ZDHHC18: variants seen among roughly 807,000 people sequenced by gnomAD.
The protein encoded by ZDHHC18 is palmitoyltransferase ZDHHC18.
Under a neutral mutation model 37.5 loss-of-function variants are expected in ZDHHC18, and 23 were observed. The ratio of observed to expected loss-of-function variants is 0.61; its 90% confidence interval spans 0.44 to 0.87. ZDHHC18 has a LOEUF of 0.87. ZDHHC18 is among the 40% of genes least tolerant of loss of function. The pLI, the probability that ZDHHC18 is intolerant of heterozygous loss-of-function variation, is 0.00. For missense variants in ZDHHC18, 406 were observed against 525.6 expected (o/e 0.77, Z 2.22); for synonymous variants, 185 against 218.7 (o/e 0.85, Z 1.36).
At chr1:26,839,400 ATGTC>A (rs2081627625) in intron 2 of ZDHHC18, among the ~76,000 whole-genome samples, 1 of 152,206 alleles carries the variant, frequency 6.6e-6, no homozygotes, top group Non-Finnish European at 1.5e-5. Flanking sequence ...CATCCACAGT[ATGTC>A]AGGCAGGCAC....
intron 7 of ZDHHC18, among the ~76,000 whole-genome samples, chr1:26,853,512 T>C (rs868253060): frequency 2.6e-5 from 4 of 152,212 alleles, no homozygotes; most frequent in Non-Finnish European, 5.9e-5. Context: ...TAATAGTGAA[T>C]AAATTCTGTG....
intron 7 of ZDHHC18, 125 bp downstream of exon 7, chr1:26,852,990 G>A (rs1208025699): frequency 5.5e-6 from 4 of 729,950 alleles, no homozygotes; most frequent in African/African-American, 5.3e-5. Flanking sequence ...CCCCTGGAGG[G>A]CATTTGTCAT....
chr1:26,848,627 A>G lies in ZDHHC18; in HGVS notation c.516A>G (p.Thr172=), dbSNP rs1440072962. 3 of 1,613,560 alleles carry G rather than the reference A, an allele frequency of 1.9e-6. No individual in the cohort carries two copies. The highest frequency in any genetic ancestry group is 2.5e-6 in the Non-Finnish European group (3 of 1,179,518). ...CCTCAGACAACACAGGCAGTTCTAC[A>G]TACCGGCCACCCCCTCGGACCCGGG... is the stretch of plus-strand genomic sequence containing the variant. The part of the protein sequence containing the change: ...EKQIDNTGSS[T]YRPPPRTREV... The change falls in exon 3 of 8, where the codon ACA becomes ACG. Residue 172 remains threonine, a synonymous_variant. Coordinates refer to ENST00000374142, the MANE Select transcript of ZDHHC18 (RefSeq NM_032283.3).
Position 26,855,997 on chromosome 1 carries a change from C to T in ZDHHC18, c.*2154C>T. ...TTCCCCTGCCTCAGGGGCTTGGAGA[C>T]CCCCAAATTCTTCTTCCCTACTGCC... On this transcript the variant is annotated 3_prime_UTR_variant, in exon 8 of 8. Transcript: ENST00000374142. 1 of 319,386 alleles carries T rather than the reference C, an allele frequency of 3.1e-6. No homozygotes were observed. The highest frequency in any genetic ancestry group is 2.3e-5 in the South Asian group (1 of 43,832). The allele number at this position is 319,386 out of a possible 1,614,324, so 19.8% of individuals were successfully genotyped here. A position where few individuals can be genotyped will look rare whatever the true frequency, so the allele number is the denominator to read the frequency against.
rs745471741 is a variant in ZDHHC18 at position 26,853,794 on chromosome 1, C to T, written c.1118C>T (p.Pro373Leu). Residue 373 changes from proline to leucine, a missense_variant, in exon 8 of 8, where the codon CCA (proline) becomes CTA (leucine). Physicochemically the swap from Pro to Leu is moderately conservative, Grantham distance 98. Coordinates refer to ENST00000374142, the MANE Select transcript of ZDHHC18 (RefSeq NM_032283.3). ...CCCTCACCCATCAGAAGCGATGAGCCAGCCTGCAGAGCCAAGCCTGATGCC... is the reference window on the plus strand; with the variant it reads ...CCCTCACCCATCAGAAGCGATGAGCTAGCCTGCAGAGCCAAGCCTGATGCC... The part of the protein sequence containing the change: ...VLPSPIRSDE[P>L]ACRAKPDASM... 1.2e-6 allele frequency: 2 copies of T among 1,614,098 alleles called. No homozygotes were observed. The highest frequency in any genetic ancestry group is 1.7e-5 in the Admixed American group (1 of 60,028).
intron 2 of ZDHHC18, among the ~76,000 whole-genome samples, chr1:26,841,224 C>A (rs2081637627): frequency 6.6e-6 from 1 of 152,204 alleles, no homozygotes; most frequent in Admixed American, 6.5e-5. Context: ...GGTGATCCAC[C>A]TGCCTTGGCC....
chr1:26,848,267 C>T (rs1468215435), intron 2 of ZDHHC18, among the ~76,000 whole-genome samples: 2 of 151,780 alleles, frequency 1.3e-5, no homozygotes, highest in African/African-American at 4.8e-5. Flanking sequence ...AGCTGAGATT[C>T]ACGCCACTGT....
At chr1:26,831,011 G>A (rs1451056280) in intron 1 of ZDHHC18, among the ~76,000 whole-genome samples, 1 of 152,160 alleles carries the variant, frequency 6.6e-6, no homozygotes, top group Non-Finnish European at 1.5e-5. Context: ...TCGAACTCCT[G>A]ACCTCAGGTA....
Position 26,848,605 on chromosome 1 carries a change from C to T in ZDHHC18, c.497-3C>T. 3 of 1,608,336 alleles carry T rather than the reference C, an allele frequency of 1.9e-6. No individual in the cohort carries two copies. The South Asian group carries it at 3.3e-5, about 18-fold the overall frequency. On this transcript the variant is annotated splice_region_variant and splice_polypyrimidine_tract_variant and intron_variant, in intron 2 of 7. Transcript: ENST00000374142. ...CCCCATCTTTCTCTCCTCCTTCCCT[C>T]AGACAACACAGGCAGTTCTACATAC...
chr1:26,836,572 C>CT (rs753110980), intron 2 of ZDHHC18, among the ~76,000 whole-genome samples: 1,672 of 139,322 alleles, frequency 0.012, 15 homozygotes, highest in Non-Finnish European at 0.017. Flanking sequence ...TTCTTTTTTT[C>CT]TTTTTTTTTT....
In ZDHHC18 at chr1:26,850,302, A is replaced by G. The variant is rs2081695685; in HGVS notation, c.648A>G (p.Glu216=). The part of the protein sequence containing the change: ...SHCSVCDNCV[E]RFDHHCPWVG... ...CCATCGCCCCTTGCCCTTGTCCAGA[A>G]CGATTTGACCATCACTGCCCCTGGG... is the stretch of plus-strand genomic sequence containing the variant. The change falls in exon 4 of 8, where the codon GAA becomes GAG. Residue 216 remains glutamate (E), a splice_region_variant and synonymous_variant. Transcript: ENST00000374142. The surrounding 1 kb of genome is among the most constrained non-coding windows in gnomAD (Gnocchi z 6.1). The G allele has an allele frequency of 6.2e-7, 1 of 1,614,138 alleles. No individual in the cohort carries two copies. Among genetic ancestry groups the G allele is most frequent in the Non-Finnish European group, 8.5e-7 (1 of 1,179,996 alleles).
intron 6 of ZDHHC18, among the ~76,000 whole-genome samples, chr1:26,851,777 C>T (rs901160269): frequency 2.6e-5 from 4 of 152,202 alleles, no homozygotes; most frequent in African/African-American, 9.6e-5. Context: ...TGGCACTGGC[C>T]TGTCCTGGCT....
intron 2 of ZDHHC18, among the ~76,000 whole-genome samples, chr1:26,836,189 C>T (rs1022689628): frequency 6.6e-6 from 1 of 152,176 alleles, no homozygotes; most frequent in East Asian, 1.9e-4. Context: ...GTGACAGATG[C>T]TCACTTAGAC....
Position 26,857,542 on chromosome 1 carries a change from C to G in ZDHHC18, c.*3699C>G, listed in dbSNP as rs892650012. ...GAGCCCAGGGCTGGGGGCTGCTTGT[C>G]TGCTATCCTGTACCTTTTTTTTTTT... On this transcript the variant is annotated 3_prime_UTR_variant, in exon 8 of 8. Transcript: ENST00000374142. 3.3e-5 allele frequency: 5 copies of G among 151,962 alleles called. No individual in the cohort carries two copies. The highest frequency in any genetic ancestry group is 5.9e-5 in the Non-Finnish European group (4 of 68,006). 9.4% of individuals were successfully genotyped at this position (151,962 alleles called of 1,614,324 possible). A position where few individuals can be genotyped will look rare whatever the true frequency, so the allele number is the denominator to read the frequency against.
intron 1 of ZDHHC18, among the ~76,000 whole-genome samples, chr1:26,829,929 A>C (rs2081580050): frequency 6.6e-6 from 1 of 152,222 alleles, no homozygotes; most frequent in Admixed American, 6.5e-5. Context: ...CTGTCCCCCC[A>C]CACAAGTCTG....
chr1:26,841,780 C>A (rs944616642), intron 2 of ZDHHC18, among the ~76,000 whole-genome samples: 2 of 152,138 alleles, frequency 1.3e-5, no homozygotes, highest in East Asian at 3.9e-4. Context: ...GGAAGCATCT[C>A]ATTCAGCCCT....
intron 3 of ZDHHC18, 65 bp downstream of exon 3, chr1:26,848,822 G>A (rs1258107254): frequency 6.4e-7 from 1 of 1,573,262 alleles, no homozygotes; most frequent in Non-Finnish European, 8.7e-7. Context: ...TGGGGATGGG[G>A]GGCATCAAGC....
intron 2 of ZDHHC18, among the ~76,000 whole-genome samples, chr1:26,841,841 A>C (rs902983269): frequency 1.6e-4 from 24 of 152,190 alleles, no homozygotes; most frequent in African/African-American, 5.3e-4. Context: ...TTTACAGATA[A>C]AGAAACTGAG....
intron 2 of ZDHHC18, among the ~76,000 whole-genome samples, chr1:26,837,587 C>T (rs1386064731): frequency 6.6e-6 from 1 of 151,720 alleles, no homozygotes; most frequent in Non-Finnish European, 1.5e-5. Flanking sequence ...TCAAGTGACT[C>T]TCCTGCCTCA....
Sources: gnomAD v4.1 joint callset for allele counts (sites outside exome capture counted in the v4.1 genomes callset) on GRCh38, gnomAD v4.1.1 for gene constraint, Gnocchi (gnomAD v3.1) non-coding constraint, MANE v1.5 for transcripts, NCBI Gene and HGNC (gene_info 2026-07-23, HGNC 2026-07-21) for gene names.